Variants in ITGB6 observed in about 807,000 individuals in gnomAD.
ITGB6 encodes integrin subunit beta 6.
ITGB6 carries 80 observed loss-of-function variants against 84.5 expected under a neutral mutation model. The ratio of observed to expected loss-of-function variants is 0.95; its 90% CI spans 0.79 to 1.14. The LOEUF (loss-of-function observed/expected upper bound fraction) is 1.14, where lower values mean the gene tolerates loss of function less well. ITGB6 is among the 50% of genes most tolerant of loss of function. The probability of loss-of-function intolerance (pLI) is 0.00; values close to 1 mark genes in which losing one functional copy is unlikely to be tolerated. For missense variants in ITGB6, 1,006 were observed against 968.0 expected, an observed-to-expected ratio of 1.04 and a Z score of -0.52; for synonymous variants, 383 against 354.9, an observed-to-expected ratio of 1.08 and a Z score of -0.89.
At chr2:160,169,708 T>C (rs6650775) in intron 6 of ITGB6, among the ~76,000 whole-genome samples, 2,207 of 152,310 alleles carry the variant, frequency 0.014, 57 homozygotes, top group African/African-American at 0.05. Flanking sequence ...TGGACTATAA[T>C]ATACATGACT....
chr2:160,144,599 A>AT (rs1443057961), intron 7 of ITGB6, among the ~76,000 whole-genome samples: 1 of 152,188 alleles, frequency 6.6e-6, no homozygotes, highest in African/African-American at 2.4e-5. Flanking sequence ...TAGGAAAAGG[A>AT]TTTCAAGGCT....
intron 2 of ITGB6, 139 bp from the exon 3 acceptor site, chr2:160,196,559 AT>A (rs1462679306): frequency 4.5e-6 from 3 of 673,788 alleles, no homozygotes; most frequent in Admixed American, 2.8e-5. Flanking sequence ...CATGACTAAC[AT>A]TGATTATAGG....
chr2:160,157,385 G>A (rs1219765932), intron 7 of ITGB6, among the ~76,000 whole-genome samples: 1 of 152,044 alleles, frequency 6.6e-6, no homozygotes, highest in Non-Finnish European at 1.5e-5. Context: ...GTTTTAACTG[G>A]ACAGGTAAGT....
At chr2:160,114,715 C>T (rs374994268) in intron 12 of ITGB6, among the ~76,000 whole-genome samples, 2 of 152,294 alleles carry the variant, frequency 1.3e-5, no homozygotes, top group African/African-American at 4.8e-5. Context: ...TTGCCTCACT[C>T]GGGAAGCACA....
At chr2:160,179,197 C>T (rs1201439311) in intron 4 of ITGB6, among the ~76,000 whole-genome samples, 1 of 151,882 alleles carries the variant, frequency 6.6e-6, no homozygotes, top group Non-Finnish European at 1.5e-5. Flanking sequence ...ACTATAATCA[C>T]ATATACTAAA....
At chr2:160,119,560 A>G (rs1682937494) in intron 12 of ITGB6, among the ~76,000 whole-genome samples, 1 of 151,878 alleles carries the variant, frequency 6.6e-6, no homozygotes, top group South Asian at 2.1e-4. Flanking sequence ...AACCATAAAA[A>G]CCCTAGAAGA....
chr2:160,107,733 A>G lies in ITGB6; in HGVS notation c.2214T>C (p.Asp738=). The change falls in exon 14 of 15, where the codon GAT becomes GAC. Residue 738 remains aspartate, a synonymous_variant. Coordinates refer to ENST00000283249, the MANE Select transcript of ITGB6 (RefSeq NM_000888.5). ...CIWKLLVSFH[D]RKEVAKFEAE... ...CTTCAAATTTGGCAACTTCTTTACG[A>G]TCATGAAATGACACCAGTAGCTTCC... 6.2e-7 allele frequency: 1 copy of G among 1,614,086 alleles called. No individual in the cohort carries two copies. Among genetic ancestry groups the G allele is most frequent in the East Asian group, 2.2e-5 (1 of 44,886 alleles).
At chr2:160,112,244 A>G in intron 12 of ITGB6, 45 bp from the exon 13 acceptor site, 1 of 1,554,314 alleles carries the variant, frequency 6.4e-7, no homozygotes, top group African/African-American at 1.4e-5. Flanking sequence ...AGATTCCAAA[A>G]GAGATTGTTT....
intron 12 of ITGB6, among the ~76,000 whole-genome samples, chr2:160,114,433 A>C (rs1485965712): frequency 2.6e-5 from 4 of 152,130 alleles, no homozygotes; most frequent in Non-Finnish European, 5.9e-5. Context: ...GTGGAACCAT[A>C]CTCAGAGAAG....
intron 7 of ITGB6, among the ~76,000 whole-genome samples, chr2:160,160,517 A>C (rs912927241): frequency 6.6e-5 from 10 of 152,238 alleles, no homozygotes; most frequent in African/African-American, 2.4e-4. Flanking sequence ...AATAATGCCA[A>C]GACAACAAAA....
chr2:160,122,172 G>T (rs1006086728), intron 12 of ITGB6, among the ~76,000 whole-genome samples: 5 of 151,864 alleles, frequency 3.3e-5, no homozygotes, highest in Admixed American at 3.3e-4. Flanking sequence ...ATTTTCAATT[G>T]CTGAGTTACA....
chr2:160,112,669 C>A (rs111786330), intron 12 of ITGB6, among the ~76,000 whole-genome samples: 10 of 151,924 alleles, frequency 6.6e-5, no homozygotes, highest in Non-Finnish European at 1.3e-4. Context: ...ATTGTGGTAA[C>A]AGTAACATAA....
Position 160,137,768 on chromosome 2 carries a change from A to AT in ITGB6, c.1325dup (p.Asp442GlufsTer50), listed in dbSNP as rs1340186981. ...CTGGGCTGACAAGTAATTCCAGGGC[A>AT]TCCCCCAGCCCCACAGGCTTTATGA... On this transcript the variant is annotated frameshift_variant, in exon 10 of 15. Coordinates refer to ENST00000283249, the MANE Select transcript of ITGB6 (RefSeq NM_000888.5). LOFTEE classifies it high-confidence loss of function. 1 of 1,614,190 alleles carries AT rather than the reference A, an allele frequency of 6.2e-7. No individual in the cohort carries two copies. The highest frequency in any genetic ancestry group is 8.5e-7 in the Non-Finnish European group (1 of 1,180,030).
At chr2:160,144,421 A>G (rs1485351541) in intron 7 of ITGB6, among the ~76,000 whole-genome samples, 2 of 152,244 alleles carry the variant, frequency 1.3e-5, no homozygotes, top group African/African-American at 4.8e-5. Flanking sequence ...TCAAATAAAC[A>G]TATGTCACAA....
intron 12 of ITGB6, among the ~76,000 whole-genome samples, chr2:160,115,379 G>A (rs555884528): frequency 3.0e-4 from 46 of 152,308 alleles, no homozygotes; most frequent in Admixed American, 1.1e-3. Context: ...TGCAGCCACC[G>A]CTGCTGATAC....
At chr2:160,158,561 C>T (rs1271549325) in intron 7 of ITGB6, among the ~76,000 whole-genome samples, 1 of 152,178 alleles carries the variant, frequency 6.6e-6, no homozygotes, top group Non-Finnish European at 1.5e-5. Flanking sequence ...TAATTCAAGT[C>T]CCAAAGCTTT....
At chr2:160,102,750 GTTTC>G (rs1696768405) in intron 14 of ITGB6, among the ~76,000 whole-genome samples, 1 of 152,074 alleles carries the variant, frequency 6.6e-6, no homozygotes, top group Admixed American at 6.6e-5. Context: ...GTAAGGTACA[GTTTC>G]TTCTCTCCCA....
In ITGB6 at chr2:160,136,115, G is replaced by A. The variant is rs200790318; in HGVS notation, c.1660+1319C>T. ...AAGAAACTACCATCAGAGTGAACAG[G>A]CAACCTACAGAATGGGAGAAAATTT... On this transcript the variant is annotated intron_variant, in intron 10 of 14. Coordinates refer to ENST00000283249, the MANE Select transcript of ITGB6 (RefSeq NM_000888.5). Among the ~76,000 whole-genome samples, 130 of 152,184 alleles carry A rather than the reference G, an allele frequency of 8.5e-4. 1 individual carries two copies. In the East Asian group the frequency reaches 0.019, roughly 22 times the overall value.
In ITGB6 at chr2:160,200,085, A is replaced by T. The variant is rs969091105; in HGVS notation, c.-22T>A. 71 of 1,607,536 alleles carry T rather than the reference A, an allele frequency of 4.4e-5. No homozygotes were observed. Among genetic ancestry groups the T allele is most frequent in the Non-Finnish European group, 5.5e-5 (65 of 1,175,534 alleles). On this transcript the variant is annotated 5_prime_UTR_variant, in exon 1 of 15. Coordinates refer to ENST00000283249, the MANE Select transcript of ITGB6 (RefSeq NM_000888.5). ...CCATTCGTTTCAGTTCTTGCTGTGC[A>T]GACCGATTAAAAAATGAATTACCTT...
Sources: gnomAD v4.1 joint callset for allele counts (sites outside exome capture counted in the v4.1 genomes callset) on GRCh38, gnomAD v4.1.1 for gene constraint, MANE v1.5 for transcripts, NCBI Gene and HGNC (gene_info 2026-07-23, HGNC 2026-07-21) for gene names.